Variants in PGM5 observed in about 807,000 individuals in gnomAD.
PGM5 encodes the protein phosphoglucomutase-like protein 5.
Under a neutral mutation model 59.2 loss-of-function variants are expected in PGM5, and 23 were observed. The ratio of observed to expected loss-of-function variants is 0.39; its 90% CI spans 0.28 to 0.55. The LOEUF (loss-of-function observed/expected upper bound fraction) is 0.55, where lower values mean the gene tolerates loss of function less well. Ranked by LOEUF, PGM5 falls within the 20% of genes least tolerant of loss-of-function variation. PGM5 has a pLI of 0.66. For missense variants in PGM5, 574 were observed against 748.3 expected (o/e 0.77, Z 2.72); for synonymous variants, 214 against 286.0 (o/e 0.75, Z 2.54).
At chr9:68,488,678 T>C (rs1824337913) in intron 9 of PGM5, among the ~76,000 whole-genome samples, 1 of 152,154 alleles carries the variant, frequency 6.6e-6, no homozygotes, top group African/African-American at 2.4e-5. Flanking sequence ...GAAAAATTGA[T>C]GTGTGCTTTC....
chr9:68,473,704 A>G (rs577511727), intron 7 of PGM5, among the ~76,000 whole-genome samples: 21 of 152,194 alleles, frequency 1.4e-4, no homozygotes, highest in Non-Finnish European at 2.5e-4. Context: ...TTGTATGACC[A>G]ACAATCCTGG....
chr9:68,470,901 G>T (rs1010620457), intron 7 of PGM5, among the ~76,000 whole-genome samples: 1 of 152,212 alleles, frequency 6.6e-6, no homozygotes, highest in Non-Finnish European at 1.5e-5. Flanking sequence ...GAGGTGCTAT[G>T]ATTGACACCC....
At chr9:68,409,481 T>C (rs868984629) in intron 6 of PGM5, among the ~76,000 whole-genome samples, 5,333 of 125,668 alleles carry the variant, frequency 0.042, 239 homozygotes, top group African/African-American at 0.16. Flanking sequence ...AACCCAAATG[T>C]CCAACAATGA....
At chr9:68,385,382 G>A (rs1407291427) in intron 3 of PGM5, among the ~76,000 whole-genome samples, 3 of 152,158 alleles carry the variant, frequency 2.0e-5, no homozygotes, top group South Asian at 2.1e-4. Context: ...ATTTAACTTA[G>A]CCCAAAAGAG....
chr9:68,529,562 TG>T lies in PGM5; in HGVS notation c.1615-4del. 1.3e-6 allele frequency: 2 copies of T among 1,585,458 alleles called. No homozygotes were observed. The highest frequency in any genetic ancestry group is 1.7e-6 in the Non-Finnish European group (2 of 1,161,200). On this transcript the variant is annotated splice_polypyrimidine_tract_variant and splice_region_variant and intron_variant, in intron 10 of 10. Coordinates refer to ENST00000396396, the MANE Select transcript of PGM5 (RefSeq NM_021965.4). ...TGTTCACAGACTTTCCTTTTCCTTT[TG>T]CAGGCAGTGCTGAGCCCTCTCATAG... is the stretch of plus-strand genomic sequence containing the variant.
At chr9:68,453,568 C>A (rs776832120) in intron 6 of PGM5, among the ~76,000 whole-genome samples, 1 of 152,178 alleles carries the variant, frequency 6.6e-6, no homozygotes, top group Non-Finnish European at 1.5e-5. Context: ...AACTCCTGGG[C>A]TCAAGCTATC....
At chr9:68,377,780 T>G in intron 1 of PGM5, among the ~76,000 whole-genome samples, 1 of 152,272 alleles carries the variant, frequency 6.6e-6, no homozygotes, top group Non-Finnish European at 1.5e-5. Context: ...CTGAGCTTGT[T>G]CTAAGTTACA....
At chr9:68,419,739 T>C (rs1269985628) in intron 6 of PGM5, among the ~76,000 whole-genome samples, 1 of 152,200 alleles carries the variant, frequency 6.6e-6, no homozygotes, top group Non-Finnish European at 1.5e-5. Flanking sequence ...AATAATTTTG[T>C]GGTAGAAATC....
rs1451858732 is a variant in PGM5 at position 68,530,499 on chromosome 9, T to C, written c.*843T>C. On this transcript the variant is annotated 3_prime_UTR_variant, in exon 11 of 11. Transcript: ENST00000396396. Reference sequence around the variant, plus strand: ...GTACATGGGTTTATACAAGTTCCTCTTGAGAAGGCAAAAAGACCACCATGT... The same window carrying C: ...GTACATGGGTTTATACAAGTTCCTCCTGAGAAGGCAAAAAGACCACCATGT... 6.6e-6 allele frequency: 1 copy of C among 152,220 alleles called. No homozygotes were observed. Among genetic ancestry groups the C allele is most frequent in the Non-Finnish European group, 1.5e-5 (1 of 68,038 alleles). The allele number at this position is 152,220 out of a possible 1,614,324, so 9.4% of individuals were successfully genotyped here.
At chr9:68,484,439 C>T (rs112036776) in intron 9 of PGM5, among the ~76,000 whole-genome samples, 2,180 of 150,672 alleles carry the variant, frequency 0.014, 42 homozygotes, top group African/African-American at 0.041. Flanking sequence ...ACTTAGGAGG[C>T]TAAGGTGGGA....
chr9:68,523,768 G>C (rs1259370980), intron 10 of PGM5, among the ~76,000 whole-genome samples: 1 of 152,062 alleles, frequency 6.6e-6, no homozygotes, highest in Admixed American at 6.6e-5. Context: ...ATCCTTCCCC[G>C]ACTGTACAAA....
intron 1 of PGM5, among the ~76,000 whole-genome samples, chr9:68,377,991 T>C (rs2131992538): frequency 6.6e-6 from 1 of 152,262 alleles, no homozygotes; most frequent in East Asian, 1.9e-4. Flanking sequence ...AATTGACTAC[T>C]AGATGCAGGT....
chr9:68,481,927 T>A (rs1824203198), intron 8 of PGM5, among the ~76,000 whole-genome samples: 1 of 152,198 alleles, frequency 6.6e-6, no homozygotes, highest in African/African-American at 2.4e-5. Flanking sequence ...CTTGACAATT[T>A]TCTTGGCAGG....
At chr9:68,373,907 C>G (rs1821806216) in intron 1 of PGM5, among the ~76,000 whole-genome samples, 1 of 152,176 alleles carries the variant, frequency 6.6e-6, no homozygotes, top group South Asian at 2.1e-4. Context: ...GAGAAATAAG[C>G]AGTGTAGAGA....
intron 6 of PGM5, among the ~76,000 whole-genome samples, chr9:68,413,283 T>G (rs546806163): frequency 1.0e-3 from 153 of 152,248 alleles, no homozygotes; most frequent in African/African-American, 3.5e-3. Flanking sequence ...GTAACAGTTC[T>G]CACCCTAAAT....
chr9:68,512,756 C>G (rs782755969), intron 10 of PGM5, among the ~76,000 whole-genome samples: 1 of 152,262 alleles, frequency 6.6e-6, no homozygotes, highest in East Asian at 1.9e-4. Flanking sequence ...AGGACCTCAA[C>G]GTATGCACTT....
rs1186397550 is a variant in PGM5 at position 68,437,500 on chromosome 9, C to T, written c.1044-27593C>T. Among the ~76,000 whole-genome samples, 1 of 152,018 alleles carries T rather than the reference C, an allele frequency of 6.6e-6. No individual in the cohort carries two copies. The highest frequency in any genetic ancestry group is 1.5e-5 in the Non-Finnish European group (1 of 68,000). Reference sequence around the variant, plus strand: ...ACTGTATTACAAAGCTGCTAAACAACAAATGGTTTTTCTACAGATAGGGGA... The same window carrying T: ...ACTGTATTACAAAGCTGCTAAACAATAAATGGTTTTTCTACAGATAGGGGA... On this transcript the variant is annotated intron_variant, in intron 6 of 10. Coordinates refer to ENST00000396396, the MANE Select transcript of PGM5 (RefSeq NM_021965.4). This position sits in a 1 kb window ranked among gnomAD's most constrained non-coding sequence, Gnocchi z 4.1.
chr9:68,418,856 A>T (rs146293859), intron 6 of PGM5, among the ~76,000 whole-genome samples: 1 of 152,122 alleles, frequency 6.6e-6, no homozygotes, highest in African/African-American at 2.4e-5. Context: ...GGGGTGTCAG[A>T]GTCAGAGAGA....
chr9:68,421,229 A>G (rs1197003512), intron 6 of PGM5, among the ~76,000 whole-genome samples: 3 of 152,180 alleles, frequency 2.0e-5, no homozygotes, highest in Admixed American at 1.3e-4. Context: ...GTTCCACTGC[A>G]TAGGCCTCTG....
Sources: allele counts gnomAD v4.1 joint callset (sites outside exome capture counted in the v4.1 genomes callset), GRCh38; gene constraint gnomAD v4.1.1; non-coding constraint Gnocchi (gnomAD v3.1); transcripts MANE v1.5; gene names NCBI Gene and HGNC (gene_info 2026-07-23, HGNC 2026-07-21).